TPH1: variants seen among roughly 807,000 people sequenced by gnomAD.
TPH1 encodes tryptophan hydroxylase 1, also known as tryptophan 5-hydroxylase 1.
TPH1 carries 37 observed loss-of-function variants against 49.5 expected under a neutral mutation model. The ratio of observed to expected loss-of-function variants is 0.75; its 90% CI spans 0.58 to 0.98. The LOEUF (loss-of-function observed/expected upper bound fraction) is 0.98. Among genes scored for constraint, TPH1 ranks in the 50% least tolerant of loss-of-function variants. TPH1 has a pLI of 0.00. For missense variants in TPH1, 487 were observed against 523.6 expected, an observed-to-expected ratio of 0.93 and a Z score of 0.68; for synonymous variants, 160 against 182.1, an observed-to-expected ratio of 0.88 and a Z score of 0.98.
At chr11:18,042,740 A>G (rs7129561) in intron 1 of TPH1, among the ~76,000 whole-genome samples, 4,240 of 152,310 alleles carry the variant, frequency 0.028, 218 homozygotes, top group African/African-American at 0.098. Context: ...CCAGTTTTCA[A>G]AAAAAGAGAA....
At chr11:18,033,640 C>T (rs1848015123) in intron 3 of TPH1, among the ~76,000 whole-genome samples, 1 of 152,046 alleles carries the variant, frequency 6.6e-6, no homozygotes, top group African/African-American at 2.4e-5. Flanking sequence ...TAGAAACAGA[C>T]TGAAAGTTTT....
chr11:18,036,778 G>C (rs929532584), intron 2 of TPH1, among the ~76,000 whole-genome samples: 9 of 152,128 alleles, frequency 5.9e-5, no homozygotes, highest in African/African-American at 2.2e-4. Context: ...TCACCCTATA[G>C]TTTTTTCATC....
intron 4 of TPH1, among the ~76,000 whole-genome samples, chr11:18,031,235 C>T (rs1267241833): frequency 6.6e-6 from 1 of 152,176 alleles, no homozygotes; most frequent in African/African-American, 2.4e-5. Flanking sequence ...CCTTTTGTCA[C>T]TAGCTTCTTT....
rs1854330688 is a variant in TPH1, at chr11:18,019,177, CAT to C, written c.*1812_*1813del. ...AATTCTATTTCCTTATATAATATGA[CAT>C]GAAATACAAAGTTTTTAATAATTTA... On this transcript the variant is annotated 3_prime_UTR_variant, in exon 11 of 11. Transcript: ENST00000682019. 1 of 152,366 alleles carries C rather than the reference CAT, an allele frequency of 6.6e-6. No individual in the cohort carries two copies. The highest frequency in any genetic ancestry group is 2.4e-5 in the African/African-American group (1 of 41,390). 9.4% of individuals were successfully genotyped at this position (152,366 alleles called of 1,614,324 possible). A position where few individuals can be genotyped will look rare whatever the true frequency, so the allele number is the denominator to read the frequency against.
rs565622738 is a variant in TPH1, at chr11:18,021,897, T to C, written c.1161-732A>G. On this transcript the variant is annotated intron_variant, in intron 10 of 10. Transcript: ENST00000682019. ...AGGACAACTATACATCAGTAGCAGC[T>C]GAAATCCAACTCATAATCCACCTGG... Among the ~76,000 whole-genome samples the C allele has an allele frequency of 2.0e-5, 3 of 152,328 alleles. No individual in the cohort carries two copies. The South Asian group carries it at 6.2e-4, about 32-fold the overall frequency.
chr11:18,026,528 A>G lies in TPH1; in HGVS notation c.765T>C (p.Tyr255=). 1 of 1,614,058 alleles carries G rather than the reference A, an allele frequency of 6.2e-7. No individual in the cohort carries two copies. The highest frequency in any genetic ancestry group is 8.5e-7 in the Non-Finnish European group (1 of 1,179,986). ...LAFRVFHCTQ[Y]VRHSSDPFYT... is the part of the protein sequence containing the mutation. ...AGAAGGGATCTGAACTGTGTCTCACATATTGAGTGCAGTGAAAAACTCGAA... is the reference window on the plus strand; with the variant it reads ...AGAAGGGATCTGAACTGTGTCTCACGTATTGAGTGCAGTGAAAAACTCGAA... The change falls in exon 7 of 11, where the codon TAT becomes TAC. Residue 255 remains tyrosine (Y), a synonymous_variant. Transcript: ENST00000682019.
chr11:18,030,181 G>A (rs1449863518), intron 4 of TPH1, among the ~76,000 whole-genome samples: 2 of 152,104 alleles, frequency 1.3e-5, no homozygotes, highest in African/African-American at 4.8e-5. Context: ...GACCTACGAA[G>A]GAGAATCACT....
intron 2 of TPH1, among the ~76,000 whole-genome samples, chr11:18,039,948 T>C (rs976649596): frequency 2.0e-5 from 3 of 151,994 alleles, no homozygotes; most frequent in Non-Finnish European, 2.9e-5. Context: ...CAAAGGTGCA[T>C]TGGAGGGTAA....
intron 4 of TPH1, among the ~76,000 whole-genome samples, chr11:18,029,839 T>G (rs182961275): frequency 4.4e-4 from 67 of 152,316 alleles, no homozygotes; most frequent in African/African-American, 1.5e-3. Context: ...ATAAAACAGT[T>G]TAAAGAATAA....
Position 18,021,701 on chromosome 11 carries a change from A to AT in TPH1, c.1161-537dup, listed in dbSNP as rs1257303446. On this transcript the variant is annotated intron_variant, in intron 10 of 10. Transcript: ENST00000682019. ...TGGTCCTACCTCCTGCACATGTTAG[A>AT]TTTTTTCTGCTTAGAATGTTTCCCT... Among the ~76,000 whole-genome samples, 13 of 152,112 alleles carry AT rather than the reference A, an allele frequency of 8.5e-5. No individual in the cohort carries two copies. In the East Asian group the frequency reaches 2.1e-3, roughly 25 times the overall value.
chr11:18,026,770 AATT>A (rs1165085173), intron 6 of TPH1, 145 bp from the exon 7 acceptor site: 1 of 993,840 alleles, frequency 1.0e-6, no homozygotes, highest in African/African-American at 1.6e-5. Flanking sequence ...AAGGGGAACT[AATT>A]ATTATTAAGC....
rs75625154 is a variant in TPH1, at chr11:18,022,423, C to T, written c.1160+375G>A. Among the ~76,000 whole-genome samples the T allele has an allele frequency of 5.5e-3, 837 of 152,296 alleles. 9 individuals are homozygous for T. Among genetic ancestry groups the T allele is most frequent in the African/African-American group, 0.019 (782 of 41,574 alleles). ...ATAACATTAAGGTTACCCTGTTTGT[C>T]CACCTGAAATGAATTGCTCTTGAAT... On this transcript the variant is annotated intron_variant, in intron 10 of 10. Transcript: ENST00000682019.
At chr11:18,021,395 T>C (rs1328555457) in intron 10 of TPH1, among the ~76,000 whole-genome samples, 3 of 152,216 alleles carry the variant, frequency 2.0e-5, no homozygotes, top group Non-Finnish European at 2.9e-5. Flanking sequence ...CTTTACATTA[T>C]AAAGTAGTTG....
At chr11:18,045,481 C>G (rs1018718726) in intron 1 of TPH1, among the ~76,000 whole-genome samples, 3 of 151,272 alleles carry the variant, frequency 2.0e-5, no homozygotes, top group East Asian at 1.9e-4. Flanking sequence ...TCCACCCCCC[C>G]CTTTTTTTTT....
At position 18,018,432 on chromosome 11, in the gene TPH1, C is replaced by G. The variant is rs1041221862; in HGVS notation, c.*2559G>C. ...CTGTAATCCCAGCACTTTGGGAGGC[C>G]GAGGTGGGCAGATCACAATGTCAGG... On this transcript the variant is annotated 3_prime_UTR_variant, in exon 11 of 11. Transcript: ENST00000682019. The G allele has an allele frequency of 6.6e-6, 1 of 151,730 alleles. No homozygotes were observed. The highest frequency in any genetic ancestry group is 1.5e-5 in the Non-Finnish European group (1 of 67,980). 9.4% of individuals were successfully genotyped at this position (151,730 alleles called of 1,614,324 possible).
chr11:18,021,212 T>C, intron 10 of TPH1, 47 bp from the exon 11 acceptor site: 1 of 1,562,778 alleles, frequency 6.4e-7, no homozygotes, highest in Non-Finnish European at 8.8e-7. Context: ...AGGGAGTGAA[T>C]GATGAAAACT....
In TPH1 at chr11:18,026,629, C is replaced by A; in HGVS notation, c.668-4G>T. 1 of 1,613,910 alleles carries A rather than the reference C, an allele frequency of 6.2e-7. No homozygotes were observed. Among genetic ancestry groups the A allele is most frequent in the Non-Finnish European group, 8.5e-7 (1 of 1,179,914 alleles). ...CGGATGGAAAAACCTGTACGCTCTG[C>A]AAAGCAAAGGAGAAAACAAAGAAAA... is the stretch of plus-strand genomic sequence containing the variant. On this transcript the variant is annotated splice_polypyrimidine_tract_variant and splice_region_variant and intron_variant, in intron 6 of 10. Transcript: ENST00000682019.
At chr11:18,042,985 T>A (rs1365686019) in intron 1 of TPH1, among the ~76,000 whole-genome samples, 1 of 152,186 alleles carries the variant, frequency 6.6e-6, no homozygotes, top group Non-Finnish European at 1.5e-5. Flanking sequence ...AGAAAATAAT[T>A]CAGCAGTTTT....
chr11:18,035,174 G>A (rs1215236815), intron 3 of TPH1, among the ~76,000 whole-genome samples: 1 of 152,194 alleles, frequency 6.6e-6, no homozygotes. Flanking sequence ...TCATAGTTGT[G>A]AGCAACTGTC....
Sources: gnomAD v4.1 joint callset for allele counts (sites outside exome capture counted in the v4.1 genomes callset) on GRCh38, gnomAD v4.1.1 for gene constraint, MANE v1.5 for transcripts, NCBI Gene and HGNC (gene_info 2026-07-23, HGNC 2026-07-21) for gene names.